MICU3: variants seen among roughly 807,000 people sequenced by gnomAD.
The protein encoded by MICU3 is calcium uptake protein 3, mitochondrial.
MICU3 carries 62 observed loss-of-function variants against 66.5 expected under a neutral mutation model. The observed-to-expected ratio is 0.93, with a 90% CI of 0.76 to 1.15. The LOEUF is 1.15. Ranked by LOEUF, MICU3 falls within the 50% of genes most tolerant of loss-of-function variation. The pLI is 0.00. For synonymous variants in MICU3, 308 were observed against 240.7 expected (o/e 1.28, Z -2.59); for missense variants, 779 against 664.4 (o/e 1.17, Z -1.90).
At chr8:17,044,555 TG>T (rs1814742078) in intron 1 of MICU3, among the ~76,000 whole-genome samples, 1 of 152,152 alleles carries the variant, frequency 6.6e-6, no homozygotes, top group African/African-American at 2.4e-5. Flanking sequence ...GTGAAAACAT[TG>T]TGGTATATTG....
At chr8:17,113,237 A>G (rs1802368878) in intron 11 of MICU3, among the ~76,000 whole-genome samples, 1 of 152,148 alleles carries the variant, frequency 6.6e-6, no homozygotes, top group South Asian at 2.1e-4. Context: ...TGTATTAAGT[A>G]AGAATTTGTT....
chr8:17,073,382 T>C (rs1819895318), intron 3 of MICU3, among the ~76,000 whole-genome samples: 1 of 152,038 alleles, frequency 6.6e-6, no homozygotes, highest in Admixed American at 6.6e-5. Flanking sequence ...TGAACTGGCA[T>C]GTGAGGGATC....
rs550205803 is a variant in MICU3 at position 17,106,117 on chromosome 8, C to T, written c.1257+533C>T. The stretch of plus-strand genomic sequence containing the variant: ...TTTAGTAACAAATGTGTTGTCAGTG[C>T]TTCTGAACAGTTGCATTATCTAGTG... On this transcript the variant is annotated intron_variant, in intron 11 of 14. Coordinates refer to ENST00000318063, the MANE Select transcript of MICU3 (RefSeq NM_181723.3). 2.0e-5 allele frequency among the ~76,000 whole-genome samples: 3 copies of T among 152,092 alleles called. No homozygotes were observed. The South Asian group carries it at 6.2e-4, about 32-fold the overall frequency.
chr8:17,118,862 G>C, intron 14 of MICU3, 87 bp downstream of exon 14: 1 of 723,682 alleles, frequency 1.4e-6, no homozygotes, highest in Non-Finnish European at 2.2e-6. Flanking sequence ...GAAAATAGCT[G>C]AAAGAAATAG....
chr8:17,039,554 A>G (rs1217812867), intron 1 of MICU3, among the ~76,000 whole-genome samples: 1 of 152,202 alleles, frequency 6.6e-6, no homozygotes, highest in Non-Finnish European at 1.5e-5. Flanking sequence ...TTTCAGTTTT[A>G]GTAAATATTT....
chr8:17,032,712 T>G (rs1812301589), intron 1 of MICU3, among the ~76,000 whole-genome samples: 1 of 152,232 alleles, frequency 6.6e-6, no homozygotes, highest in African/African-American at 2.4e-5. Flanking sequence ...GCATACGTTT[T>G]GCCGTGCTTC....
At chr8:17,053,021 A>T (rs1816357413) in intron 1 of MICU3, among the ~76,000 whole-genome samples, 1 of 152,180 alleles carries the variant, frequency 6.6e-6, no homozygotes, top group Non-Finnish European at 1.5e-5. Flanking sequence ...TCCCTACATG[A>T]AATTAATACA....
At chr8:17,072,962 C>T (rs1347793612) in intron 3 of MICU3, among the ~76,000 whole-genome samples, 1 of 151,868 alleles carries the variant, frequency 6.6e-6, no homozygotes, top group Non-Finnish European at 1.5e-5. Flanking sequence ...ACGATCTTGG[C>T]TCACTCCATC....
the MICU3 span, among the ~76,000 whole-genome samples, chr8:17,137,664 T>C: frequency 6.7e-6 from 1 of 150,266 alleles, no homozygotes. Flanking sequence ...AAATACAGGA[T>C]GGTAAGAAAC....
At position 17,120,968 on chromosome 8, in the gene MICU3, T is replaced by C. The variant is rs1803152694; in HGVS notation, c.*681T>C. Reference sequence around the variant, plus strand: ...AGTCAACAGAATGTCTGTTATTGTTTTATGTATACGGTAAAGAAATTTAAA... The same window carrying C: ...AGTCAACAGAATGTCTGTTATTGTTCTATGTATACGGTAAAGAAATTTAAA... On this transcript the variant is annotated 3_prime_UTR_variant, in exon 15 of 15. Coordinates refer to ENST00000318063, the MANE Select transcript of MICU3 (RefSeq NM_181723.3). 1 of 152,024 alleles carries C rather than the reference T, an allele frequency of 6.6e-6. No homozygotes were observed. Among genetic ancestry groups the C allele is most frequent in the South Asian group, 2.1e-4 (1 of 4,830 alleles). 9.4% of individuals were successfully genotyped at this position (152,024 alleles called of 1,614,324 possible).
chr8:17,043,875 T>A (rs1236171207), intron 1 of MICU3, among the ~76,000 whole-genome samples: 2 of 152,226 alleles, frequency 1.3e-5, no homozygotes, highest in Non-Finnish European at 2.9e-5. Flanking sequence ...CATACTTTGA[T>A]TCAATATTGT....
chr8:17,090,488 G>A lies in MICU3; in HGVS notation c.850-58G>A, dbSNP rs769303405. ...CGTCTTTTTCCTTTTTTCTTTTGCT[G>A]TACTTGGGTTCATTCTGAAATATGA... On this transcript the variant is annotated intron_variant, in intron 7 of 14. Transcript: ENST00000318063. 47 of 1,478,888 alleles carry A rather than the reference G, an allele frequency of 3.2e-5. No homozygotes were observed. The highest frequency in any genetic ancestry group is 1.8e-4 in the Middle Eastern group (1 of 5,708). 91.6% of individuals were successfully genotyped at this position (1,478,888 alleles called of 1,614,324 possible).
chr8:17,048,131 T>C (rs1352601913), intron 1 of MICU3, among the ~76,000 whole-genome samples: 1 of 152,192 alleles, frequency 6.6e-6, no homozygotes, highest in Non-Finnish European at 1.5e-5. Flanking sequence ...GAGGAATATA[T>C]ATGTTTCGAT....
chr8:17,129,073 G>T, the MICU3 span, among the ~76,000 whole-genome samples: 1 of 152,274 alleles, frequency 6.6e-6, no homozygotes, highest in Non-Finnish European at 1.5e-5. Context: ...CAGGTTAGGG[G>T]TAAGGCTACT....
intron 1 of MICU3, among the ~76,000 whole-genome samples, chr8:17,042,787 G>A (rs781329180): frequency 6.8e-4 from 103 of 151,968 alleles, no homozygotes; most frequent in Admixed American, 1.9e-3. Context: ...AAAGAATTTC[G>A]AAACAATCCT....
At chr8:17,044,832 A>G (rs1359872791) in intron 1 of MICU3, among the ~76,000 whole-genome samples, 1 of 152,238 alleles carries the variant, frequency 6.6e-6, no homozygotes, top group African/African-American at 2.4e-5. Flanking sequence ...GGGGTGGGTC[A>G]GGAGACCTGA....
At chr8:17,127,152 A>C (rs1019349539), downstream of MICU3, among the ~76,000 whole-genome samples, 1 of 152,216 alleles carries the variant, frequency 6.6e-6, no homozygotes, top group Admixed American at 6.5e-5. Context: ...TGCAAGCTCT[A>C]GGTGCTATAA....
At chr8:17,030,718 A>G in intron 1 of MICU3, among the ~76,000 whole-genome samples, 1 of 152,204 alleles carries the variant, frequency 6.6e-6, no homozygotes, top group East Asian at 1.9e-4. Context: ...AGGTATTGTT[A>G]TCTAATCCTC....
intron 5 of MICU3, 164 bp downstream of exon 5, chr8:17,081,904 A>G: frequency 2.1e-6 from 1 of 480,526 alleles, no homozygotes; most frequent in Non-Finnish European, 3.8e-6. Context: ...CACTGTAAAG[A>G]GTCAAAAACA....
Sources: gnomAD v4.1 joint callset for allele counts (sites outside exome capture counted in the v4.1 genomes callset) on GRCh38, gnomAD v4.1.1 for gene constraint, MANE v1.5 for transcripts, NCBI Gene and HGNC (gene_info 2026-07-23, HGNC 2026-07-21) for gene names.